The following SYN2 variants were observed in gnomAD, a reference collection of about 807,000 sequenced individuals.
SYN2 encodes the protein synapsin II.
SYN2 carries 19 observed loss-of-function variants against 50.9 expected under a neutral mutation model. The observed-to-expected ratio is 0.37, with a 90% CI of 0.26 to 0.55. The LOEUF is 0.55. Ranked by LOEUF, SYN2 falls within the 20% of genes least tolerant of loss-of-function variation. The pLI is 0.81. For synonymous variants in SYN2, 255 were observed against 224.9 expected (o/e 1.13, Z -1.20); for missense variants, 587 against 576.4 (o/e 1.02, Z -0.19).
Position 12,169,807 on chromosome 3 carries a change from G to A in SYN2, c.1209G>A (p.Arg403=). 1 of 1,613,942 alleles carries A rather than the reference G, an allele frequency of 6.2e-7. No individual in the cohort carries two copies. Residue 403 remains arginine (R), a synonymous_variant, in exon 10 of 13, where the codon AGG becomes AGA. Coordinates refer to ENST00000621198, the MANE Select transcript of SYN2 (RefSeq NM_133625.6). The stretch of plus-strand genomic sequence containing the variant: ...TTGGGGAACATCAGGTGGAGGACAG[G>A]CAACTCATCACCGAACTAGTCATCA... The part of the protein sequence containing the change: ...PLIGEHQVED[R]QLITELVISK...
chr3:12,161,999 G>A lies in SYN2; in HGVS notation c.838-13G>A, dbSNP rs1021265394. 1.2e-6 allele frequency: 2 copies of A among 1,613,864 alleles called. No homozygotes were observed. The highest frequency in any genetic ancestry group is 1.7e-6 in the Non-Finnish European group (2 of 1,179,818). ...GTCTCCCTTTCCCCCTTTCTGCCCT[G>A]CTCTAACATTAGGTCAAAGTGGAAA... On this transcript the variant is annotated splice_polypyrimidine_tract_variant and intron_variant, in intron 6 of 12. Transcript: ENST00000621198.
chr3:12,091,960 A>C (rs1231177477), intron 1 of SYN2, among the ~76,000 whole-genome samples: 1 of 152,242 alleles, frequency 6.6e-6, no homozygotes, highest in Non-Finnish European at 1.5e-5. Flanking sequence ...CCAACTGACA[A>C]AATAATTGCA....
At chr3:12,176,271 C>A (rs1330790786) in intron 10 of SYN2, among the ~76,000 whole-genome samples, 1 of 152,186 alleles carries the variant, frequency 6.6e-6, no homozygotes, top group East Asian at 1.9e-4. Flanking sequence ...TCAGGCCATG[C>A]CAGTAAAGAT....
chr3:12,072,798 A>C (rs1695386787), intron 1 of SYN2, among the ~76,000 whole-genome samples: 1 of 152,160 alleles, frequency 6.6e-6, no homozygotes. Flanking sequence ...TTCTCTGTAT[A>C]GTCTCTGTTT....
chr3:12,020,078 G>A (rs79804472), intron 1 of SYN2, among the ~76,000 whole-genome samples: 7,249 of 152,162 alleles, frequency 0.048, 243 homozygotes, highest in East Asian at 0.14. Flanking sequence ...TTCCCTATAT[G>A]TTTTTGTTAA....
chr3:12,127,708 T>TG (rs1376732649), intron 1 of SYN2, among the ~76,000 whole-genome samples: 2 of 152,244 alleles, frequency 1.3e-5, no homozygotes, highest in African/African-American at 2.4e-5. Context: ...AGGATGTTTC[T>TG]GCTGCGCCAT....
intron 1 of SYN2, among the ~76,000 whole-genome samples, chr3:12,122,001 A>G (rs1336948047): frequency 1.3e-5 from 2 of 152,154 alleles, no homozygotes; most frequent in Non-Finnish European, 2.9e-5. Flanking sequence ...CCTTGAACCG[A>G]TTAGCCAAGA....
At chr3:12,172,667 G>T (rs1170259016) in intron 10 of SYN2, among the ~76,000 whole-genome samples, 2 of 152,186 alleles carry the variant, frequency 1.3e-5, no homozygotes, top group South Asian at 2.1e-4. Flanking sequence ...CATGATGTAG[G>T]CATGACTGGT....
chr3:12,021,323 A>G (rs1289457373), intron 1 of SYN2, among the ~76,000 whole-genome samples: 4 of 152,166 alleles, frequency 2.6e-5, no homozygotes, highest in Non-Finnish European at 4.4e-5. Flanking sequence ...GTTTTTTTCT[A>G]TTATATTTGC....
Position 12,004,751 on chromosome 3 carries a change from C to CGCCCGCGCGGCA in SYN2, c.208_209insGGCAGCCCGCGC (p.Ala69_Pro70insArgGlnProAla). ...GAGCGGAGGCCGCCGCCCGCCTCGG[C>CGCCCGCGCGGCA]GCCCGCGCCGCAGCCCGCGCCGACG... On this transcript the variant is annotated inframe_insertion, in exon 1 of 13. Transcript: ENST00000621198. 3.3e-6 allele frequency: 1 copy of CGCCCGCGCGGCA among 306,538 alleles called. No homozygotes were observed. Among genetic ancestry groups the CGCCCGCGCGGCA allele is most frequent in the Non-Finnish European group, 5.9e-6 (1 of 168,144 alleles). 19.0% of individuals were successfully genotyped at this position (306,538 alleles called of 1,614,324 possible).
At chr3:12,018,841 T>C (rs897630980) in intron 1 of SYN2, among the ~76,000 whole-genome samples, 3 of 152,200 alleles carry the variant, frequency 2.0e-5, no homozygotes, top group Non-Finnish European at 2.9e-5. Context: ...CTGGTGGGAT[T>C]GAGAGTAGGT....
chr3:12,012,181 A>G (rs1373135761), intron 1 of SYN2, among the ~76,000 whole-genome samples: 1 of 152,084 alleles, frequency 6.6e-6, no homozygotes, highest in Non-Finnish European at 1.5e-5. Flanking sequence ...TTTAATGACA[A>G]AAACATTACC....
chr3:12,090,070 T>C (rs1294426657), intron 1 of SYN2, among the ~76,000 whole-genome samples: 1 of 152,228 alleles, frequency 6.6e-6, no homozygotes, highest in Non-Finnish European at 1.5e-5. Context: ...AATTTCTGCC[T>C]AGATATCTGA....
intron 1 of SYN2, among the ~76,000 whole-genome samples, chr3:12,109,098 G>A (rs73139662): frequency 6.6e-6 from 1 of 152,092 alleles, no homozygotes; most frequent in South Asian, 2.1e-4. Context: ...TTTTAAGGGA[G>A]TATTTTATAG....
intron 10 of SYN2, among the ~76,000 whole-genome samples, chr3:12,172,918 AG>A (rs1267203470): frequency 6.6e-6 from 1 of 152,242 alleles, no homozygotes; most frequent in Non-Finnish European, 1.5e-5. Context: ...AAATACTTTC[AG>A]CCCATGTGGG....
chr3:12,008,865 A>G (rs1392485659), intron 1 of SYN2, among the ~76,000 whole-genome samples: 2 of 152,216 alleles, frequency 1.3e-5, no homozygotes, highest in Admixed American at 6.5e-5. Flanking sequence ...GGATAGCATA[A>G]GGAAAGTACA....
chr3:12,095,485 T>C, intron 1 of SYN2, among the ~76,000 whole-genome samples: 1 of 123,796 alleles, frequency 8.1e-6, no homozygotes, highest in African/African-American at 3.1e-5. Context: ...GAGTCAGAGC[T>C]TTCAGTGAGC....
chr3:12,190,360 A>C, intron 12 of SYN2, 130 bp from the exon 13 acceptor site: 2 of 1,075,002 alleles, frequency 1.9e-6, no homozygotes, highest in Non-Finnish European at 2.8e-6. Context: ...CACTTCTGGC[A>C]TTATCCTCCA....
At chr3:12,045,197 G>T (rs1694708071) in intron 1 of SYN2, among the ~76,000 whole-genome samples, 1 of 152,084 alleles carries the variant, frequency 6.6e-6, no homozygotes, top group Non-Finnish European at 1.5e-5. Flanking sequence ...TTAAAGGGGG[G>T]TTTACTGCAT....
Sources: allele counts gnomAD v4.1 joint callset (sites outside exome capture counted in the v4.1 genomes callset), GRCh38; gene constraint gnomAD v4.1.1; transcripts MANE v1.5; gene names NCBI Gene and HGNC (gene_info 2026-07-23, HGNC 2026-07-21).